The following ACTR3B variants were observed in gnomAD, a reference collection of about 807,000 sequenced individuals.
ACTR3B encodes actin-related protein 3B.
A neutral mutation model predicts 59.0 loss-of-function variants in ACTR3B; 8 were observed. That is an observed-to-expected ratio of 0.14 (90% confidence interval 0.08 to 0.24). ACTR3B has a LOEUF of 0.24. Among genes scored for constraint, ACTR3B ranks in the 10% least tolerant of loss-of-function variants. The pLI is 1.00. For missense variants in ACTR3B, 245 were observed against 552.3 expected, an observed-to-expected ratio of 0.44 and a Z score of 5.58; for synonymous variants, 148 against 197.9, an observed-to-expected ratio of 0.75 and a Z score of 2.12.
Position 152,824,265 on chromosome 7 carries a change from G to C in ACTR3B, c.858+750G>C, listed in dbSNP as rs1167424119. On this transcript the variant is annotated intron_variant, in intron 8 of 11. Transcript: ENST00000256001. This position sits in a 1 kb window ranked among gnomAD's most constrained non-coding sequence, Gnocchi z 4.2. The stretch of plus-strand genomic sequence containing the variant: ...AGAATGTGTTCCTCGCTAGTAATCT[G>C]AATAATAAAATAATAATGATAATCT... 6.6e-6 allele frequency among the ~76,000 whole-genome samples: 1 copy of C among 152,126 alleles called. No individual in the cohort carries two copies. Among genetic ancestry groups the C allele is most frequent in the Non-Finnish European group, 1.5e-5 (1 of 68,034 alleles).
intron 2 of ACTR3B, among the ~76,000 whole-genome samples, chr7:152,788,912 A>T (rs1385471771): frequency 6.6e-6 from 1 of 152,210 alleles, no homozygotes; most frequent in Non-Finnish European, 1.5e-5. Flanking sequence ...AATCCCAGCT[A>T]CTTGGAAGGC....
chr7:152,816,010 A>G (rs35215276), intron 5 of ACTR3B, among the ~76,000 whole-genome samples: 1 of 151,236 alleles, frequency 6.6e-6, no homozygotes, highest in South Asian at 2.1e-4. Context: ...GCAGTGGTGC[A>G]ATTATGGCTC....
chr7:152,827,779 C>T (rs1475415354), intron 9 of ACTR3B, among the ~76,000 whole-genome samples: 3 of 152,214 alleles, frequency 2.0e-5, no homozygotes, highest in Admixed American at 6.5e-5. Context: ...CCTGTAGCCA[C>T]GAAGAAAGGG....
intron 9 of ACTR3B, among the ~76,000 whole-genome samples, chr7:152,831,841 G>C (rs1267195756): frequency 6.6e-6 from 1 of 152,162 alleles, no homozygotes; most frequent in Non-Finnish European, 1.5e-5. Flanking sequence ...GGGCTTATGG[G>C]GAAGGCACAG....
chr7:152,785,512 G>GAGAGAGA (rs748892004), intron 2 of ACTR3B, among the ~76,000 whole-genome samples: 6,294 of 106,404 alleles, frequency 0.059, 255 homozygotes, highest in Middle Eastern at 0.12. Flanking sequence ...AGAGAGAGAG[G>GAGAGAGA]AGAGAGAAGA....
intron 1 of ACTR3B, among the ~76,000 whole-genome samples, chr7:152,768,908 C>CAGTG (rs2098117536): frequency 6.6e-6 from 1 of 151,924 alleles, no homozygotes; most frequent in African/African-American, 2.4e-5. Context: ...GGCTGGAGTG[C>CAGTG]AGTGGCGTGA....
intron 9 of ACTR3B, among the ~76,000 whole-genome samples, chr7:152,845,321 C>T (rs1162474177): frequency 3.9e-5 from 6 of 152,136 alleles, no homozygotes; most frequent in African/African-American, 1.4e-4. Context: ...CATGATGTTC[C>T]TTTCTGAGTT....
intron 4 of ACTR3B, among the ~76,000 whole-genome samples, chr7:152,804,431 G>A (rs895208105): frequency 6.6e-5 from 10 of 152,272 alleles, no homozygotes; most frequent in African/African-American, 2.2e-4. Context: ...GAGAGAGGAG[G>A]TCAGGCAGCC....
At chr7:152,790,059 C>T (rs1220069957) in intron 2 of ACTR3B, among the ~76,000 whole-genome samples, 1 of 119,930 alleles carries the variant, frequency 8.3e-6, no homozygotes, top group Non-Finnish European at 1.6e-5. Context: ...GTGGCTTGAT[C>T]ATGACTCACT....
At chr7:152,764,602 G>A (rs984475170) in intron 1 of ACTR3B, among the ~76,000 whole-genome samples, 6 of 150,138 alleles carry the variant, frequency 4.0e-5, no homozygotes, top group Non-Finnish European at 8.9e-5. Context: ...AGCTGAGATC[G>A]CGCCACTGCA....
rs1241842336 is a variant in ACTR3B, at chr7:152,853,520, C to T, written c.1104C>T (p.Val368=). The change falls in exon 11 of 12, where the codon GTC becomes GTT. Residue 368 remains valine, a synonymous_variant. Transcript: ENST00000256001. ...CGAAGCCTGTGGAGGTCCAGGTGGT[C>T]ACGCATCACATGCAGCGCTACGCCG... is the stretch of plus-strand genomic sequence containing the variant. ...IKPKPVEVQV[V]THHMQRYAVW... 6.2e-7 allele frequency: 1 copy of T among 1,613,742 alleles called. No individual in the cohort carries two copies.
At chr7:152,851,847 G>T (rs1018926698) in intron 9 of ACTR3B, among the ~76,000 whole-genome samples, 44 of 152,228 alleles carry the variant, frequency 2.9e-4, no homozygotes, top group African/African-American at 1.0e-3. Context: ...TCTATGTGAG[G>T]GGTTGGCAGG....
chr7:152,799,908 G>C (rs1228025859), intron 2 of ACTR3B, among the ~76,000 whole-genome samples: 2 of 152,148 alleles, frequency 1.3e-5, no homozygotes, highest in African/African-American at 2.4e-5. Context: ...AAATATTTAA[G>C]ATTAAGATCT....
chr7:152,848,665 A>T (rs1798557027), intron 9 of ACTR3B, among the ~76,000 whole-genome samples: 1 of 152,206 alleles, frequency 6.6e-6, no homozygotes, highest in Non-Finnish European at 1.5e-5. Flanking sequence ...GTTGAGGCTT[A>T]TTCTAAGATG....
At chr7:152,787,371 T>C (rs1205628605) in intron 2 of ACTR3B, among the ~76,000 whole-genome samples, 2 of 152,200 alleles carry the variant, frequency 1.3e-5, no homozygotes, top group South Asian at 2.1e-4. Context: ...AGGTTAAATA[T>C]GAATTTTTCG....
chr7:152,769,257 G>T lies in ACTR3B; in HGVS notation c.44+9331G>T, dbSNP rs577337113. 2.0e-5 allele frequency among the ~76,000 whole-genome samples: 3 copies of T among 152,186 alleles called. 1 individual carries two copies. In the South Asian group the frequency reaches 6.2e-4, roughly 32 times the overall value. On this transcript the variant is annotated intron_variant, in intron 1 of 11. Transcript: ENST00000256001. ...ATTAAGGTCTCCTCGCATTTTCTGT[G>T]GGTTCTGCTTTATGAAAGTTGTTGC...
intron 9 of ACTR3B, among the ~76,000 whole-genome samples, chr7:152,827,425 AC>A (rs1796664038): frequency 6.6e-6 from 1 of 151,800 alleles, no homozygotes; most frequent in African/African-American, 2.4e-5. Flanking sequence ...TGAACTCTAT[AC>A]CCCGTTGTGG....
chr7:152,827,043 G>C (rs538901767), intron 9 of ACTR3B, among the ~76,000 whole-genome samples: 1 of 150,388 alleles, frequency 6.6e-6, no homozygotes, highest in Non-Finnish European at 1.5e-5. Flanking sequence ...GTGCAGTGGC[G>C]TGATCACAGC....
intron 1 of ACTR3B, among the ~76,000 whole-genome samples, chr7:152,773,326 G>T (rs1021554018): frequency 3.3e-5 from 5 of 152,064 alleles, no homozygotes; most frequent in Admixed American, 6.6e-5. Context: ...AGTGGCTCAC[G>T]CCTGTAATCC....
Sources: gnomAD v4.1 joint callset for allele counts (sites outside exome capture counted in the v4.1 genomes callset) on GRCh38, gnomAD v4.1.1 for gene constraint, Gnocchi (gnomAD v3.1) non-coding constraint, MANE v1.5 for transcripts, NCBI Gene and HGNC (gene_info 2026-07-23, HGNC 2026-07-21) for gene names.